EVC2: variants seen among roughly 807,000 people sequenced by gnomAD.
EVC2 encodes the protein limbin.
Under a neutral mutation model 149.3 loss-of-function variants are expected in EVC2, and 148 were observed. The observed-to-expected ratio is 0.99, with a 90% CI of 0.87 to 1.14. The LOEUF is 1.14. Among genes scored for constraint, EVC2 ranks in the 50% most tolerant of loss-of-function variants. The pLI is 0.00. For missense variants in EVC2, 1,854 were observed against 1,627.3 expected, an observed-to-expected ratio of 1.14 and a Z score of -2.40; for synonymous variants, 776 against 649.9, an observed-to-expected ratio of 1.19 and a Z score of -2.95.
intron 9 of EVC2, among the ~76,000 whole-genome samples, chr4:5,655,763 A>AAGGG (rs1718480777): frequency 7.2e-6 from 1 of 138,086 alleles, no homozygotes; most frequent in African/African-American, 2.6e-5. Context: ...AGAAGGAAGG[A>AAGGG]AGGGAGGGAG....
intron 21 of EVC2, among the ~76,000 whole-genome samples, chr4:5,544,331 T>C (rs1721572616): frequency 1.3e-5 from 2 of 152,112 alleles, no homozygotes; most frequent in Non-Finnish European, 2.9e-5. Flanking sequence ...GCAGAAGGAA[T>C]TGATTGGTCC....
At chr4:5,606,542 G>A (rs2108816795) in intron 16 of EVC2, among the ~76,000 whole-genome samples, 1 of 152,202 alleles carries the variant, frequency 6.6e-6, no homozygotes, top group East Asian at 1.9e-4. Context: ...ACTTGTCAGA[G>A]CTCTAACCCT....
chr4:5,700,826 C>T (rs951242966), intron 1 of EVC2, among the ~76,000 whole-genome samples: 9 of 152,232 alleles, frequency 5.9e-5, no homozygotes, highest in African/African-American at 2.2e-4. Context: ...TCGAGGTCAC[C>T]ACAGCCACTC....
At chr4:5,543,259 T>TACCCACATTGTACCATCACC (rs1209833478) in intron 21 of EVC2, 1 of 1,240,262 alleles carries the variant, frequency 8.1e-7, no homozygotes. Flanking sequence ...CTCCCATCCC[T>TACCCACATTGTACCATCACC]ACCCACATTG....
At chr4:5,596,863 T>C (rs1293698814) in intron 16 of EVC2, among the ~76,000 whole-genome samples, 2 of 151,910 alleles carry the variant, frequency 1.3e-5, no homozygotes, top group Non-Finnish European at 2.9e-5. Flanking sequence ...ATACACGCAA[T>C]AAAAAATGAT....
chr4:5,708,481 C>A lies in EVC2; in HGVS notation c.33G>T (p.Thr11=). Residue 11 remains threonine, a synonymous_variant, in exon 1 of 22, where the codon ACG becomes ACT. Coordinates refer to ENST00000344408, the MANE Select transcript of EVC2 (RefSeq NM_147127.5). Reference sequence around the variant, plus strand: ...CCAGGAGACCCCCGGCCAGCACCCACGTGGGGCGCCCCCGGGAGCCCGAGG... The same window carrying A: ...CCAGGAGACCCCCGGCCAGCACCCAAGTGGGGCGCCCCCGGGAGCCCGAGG... MDPSGSRGRP[T]WVLAGGLLAV... The A allele has an allele frequency of 6.7e-7, 1 of 1,486,664 alleles. No individual in the cohort carries two copies. Among genetic ancestry groups the A allele is most frequent in the Non-Finnish European group, 8.9e-7 (1 of 1,126,290 alleles). 92.1% of individuals were successfully genotyped at this position (1,486,664 alleles called of 1,614,324 possible).
chr4:5,702,538 T>C (rs1358720064), intron 1 of EVC2, among the ~76,000 whole-genome samples: 2 of 152,218 alleles, frequency 1.3e-5, no homozygotes, highest in East Asian at 1.9e-4. Context: ...ATGGTCTGCA[T>C]TGATGAAAAT....
At chr4:5,543,857 A>G (rs1237791760) in intron 21 of EVC2, among the ~76,000 whole-genome samples, 3 of 152,186 alleles carry the variant, frequency 2.0e-5, no homozygotes, top group Non-Finnish European at 4.4e-5. Context: ...CCACCCCTGC[A>G]TAGCACATTT....
Position 5,618,002 on chromosome 4 carries a change from A to T in EVC2, c.2706+476T>A, listed in dbSNP as rs1715386444. ...GGGCACATAATAGCTGCTCATTAAA[A>T]GGCAGCTACCAGTCATCATCCTTTA... On this transcript the variant is annotated intron_variant, in intron 15 of 21. Transcript: ENST00000344408. The surrounding 1 kb of genome is among the most constrained non-coding windows in gnomAD (Gnocchi z 4.4). Among the ~76,000 whole-genome samples the T allele has an allele frequency of 1.3e-5, 2 of 152,178 alleles. No homozygotes were observed. The highest frequency in any genetic ancestry group is 1.3e-4 in the Admixed American group (2 of 15,278).
the EVC2 span, among the ~76,000 whole-genome samples, chr4:5,534,374 GA>G: frequency 6.6e-6 from 1 of 152,180 alleles, no homozygotes; most frequent in South Asian, 2.1e-4. Flanking sequence ...TGGATGGGTG[GA>G]TAGATGGATG....
At chr4:5,664,119 G>T (rs576863866) in intron 8 of EVC2, among the ~76,000 whole-genome samples, 8 of 152,098 alleles carry the variant, frequency 5.3e-5, no homozygotes, top group Non-Finnish European at 1.2e-4. Flanking sequence ...TGCTTTCTTT[G>T]TGTTATCATG....
chr4:5,610,241 T>TAC (rs1181985862), intron 16 of EVC2, among the ~76,000 whole-genome samples: 1 of 152,174 alleles, frequency 6.6e-6, no homozygotes, highest in African/African-American at 2.4e-5. Context: ...GGCTCATATG[T>TAC]ACACACACAC....
intron 16 of EVC2, among the ~76,000 whole-genome samples, chr4:5,599,974 C>A (rs73794661): frequency 0.026 from 3,917 of 152,246 alleles, 165 homozygotes; most frequent in African/African-American, 0.089. Context: ...TAGACACAGA[C>A]AAATTAATTT....
intron 11 of EVC2, among the ~76,000 whole-genome samples, 159 bp downstream of exon 11, chr4:5,631,634 T>C (rs1716542614): frequency 6.6e-6 from 1 of 152,062 alleles, no homozygotes; most frequent in Non-Finnish European, 1.5e-5. Flanking sequence ...AAGCCACCAT[T>C]TTCCCTGCTT....
chr4:5,584,596 C>G (rs749222334), intron 17 of EVC2, 27 bp downstream of exon 17: 117 of 1,605,502 alleles, frequency 7.3e-5, no homozygotes, highest in South Asian at 1.8e-4. Flanking sequence ...GCTCTGTCCC[C>G]CTCTCCTTCC....
chr4:5,534,518 C>A, the EVC2 span, among the ~76,000 whole-genome samples: 3 of 152,184 alleles, frequency 2.0e-5, no homozygotes, highest in Non-Finnish European at 4.4e-5. Flanking sequence ...GTTAATGTGA[C>A]CTCTGACGAT....
chr4:5,643,473 C>T (rs1273627045), intron 9 of EVC2, among the ~76,000 whole-genome samples: 2 of 152,176 alleles, frequency 1.3e-5, no homozygotes, highest in African/African-American at 2.4e-5. Flanking sequence ...CATTTCCTTA[C>T]GTGGGCTCCA....
Position 5,618,364 on chromosome 4 carries a change from T to C in EVC2, c.2706+114A>G, listed in dbSNP as rs753536225. 5.2e-6 allele frequency: 6 copies of C among 1,155,342 alleles called. No homozygotes were observed. Among genetic ancestry groups the C allele is most frequent in the Admixed American group, 3.7e-5 (2 of 53,408 alleles). 71.6% of individuals were successfully genotyped at this position (1,155,342 alleles called of 1,614,324 possible). On this transcript the variant is annotated intron_variant, in intron 15 of 21. Transcript: ENST00000344408. This position sits in a 1 kb window ranked among gnomAD's most constrained non-coding sequence, Gnocchi z 4.4. ...ACCAATGCAGCCAGAGAGGAGAGGA[T>C]AGGGGAGCATGAGGTGAGATGGGCT...
chr4:5,548,763 T>C (rs1045111967), intron 21 of EVC2, among the ~76,000 whole-genome samples: 2 of 152,178 alleles, frequency 1.3e-5, no homozygotes, highest in Non-Finnish European at 2.9e-5. Context: ...TGCTCTTATC[T>C]GATGACAAAG....
Sources: gnomAD v4.1 joint callset for allele counts (sites outside exome capture counted in the v4.1 genomes callset) on GRCh38, gnomAD v4.1.1 for gene constraint, Gnocchi (gnomAD v3.1) non-coding constraint, MANE v1.5 for transcripts, NCBI Gene and HGNC (gene_info 2026-07-23, HGNC 2026-07-21) for gene names.